The following SLC25A13 variants were observed in gnomAD, a reference collection of about 807,000 sequenced individuals.
SLC25A13 encodes electrogenic aspartate/glutamate antiporter SLC25A13, mitochondrial.
Under a neutral mutation model 85.5 loss-of-function variants are expected in SLC25A13, and 70 were observed. That is an observed-to-expected ratio of 0.82 (90% confidence interval 0.68 to 1.00). SLC25A13 has a LOEUF of 1.00. SLC25A13 is among the 50% of genes least tolerant of loss of function. The pLI is 0.00. For missense variants in SLC25A13, 765 were observed against 819.8 expected (o/e 0.93, Z 0.82); for synonymous variants, 259 against 288.7 (o/e 0.90, Z 1.04).
rs551989261 is a variant in SLC25A13, at chr7:96,310,566, G to A, written c.15+11376C>T. ...TCTGTAAACAGCAAGTAATTTACTA[G>A]GAGATGCATTCAGACAATGGGAATT... is the stretch of plus-strand genomic sequence containing the variant. On this transcript the variant is annotated intron_variant, in intron 1 of 17. Coordinates refer to ENST00000265631, the MANE Select transcript of SLC25A13 (RefSeq NM_014251.3). 2.5e-4 allele frequency among the ~76,000 whole-genome samples: 38 copies of A among 152,306 alleles called. 1 individual carries two copies. The South Asian group carries it at 7.5e-3, about 30-fold the overall frequency.
At chr7:96,171,388 C>G in intron 12 of SLC25A13, 84 bp downstream of exon 12, 1 of 1,266,100 alleles carries the variant, frequency 7.9e-7, no homozygotes, top group South Asian at 1.2e-5. Flanking sequence ...GAAAACAAAC[C>G]TGCTGTTTCC....
intron 2 of SLC25A13, among the ~76,000 whole-genome samples, chr7:96,293,060 C>A (rs1452038270): frequency 6.6e-6 from 1 of 152,056 alleles, no homozygotes; most frequent in Admixed American, 6.6e-5. Flanking sequence ...CAAAACAGCA[C>A]GGTACTGGTA....
At chr7:96,158,971 T>TA (rs1432915113) in intron 13 of SLC25A13, among the ~76,000 whole-genome samples, 1 of 152,108 alleles carries the variant, frequency 6.6e-6, no homozygotes, top group Non-Finnish European at 1.5e-5. Context: ...AGCTCACAGG[T>TA]AAAAAAGAGA....
At chr7:96,181,274 A>C (rs1794410155) in intron 11 of SLC25A13, among the ~76,000 whole-genome samples, 1 of 152,208 alleles carries the variant, frequency 6.6e-6, no homozygotes, top group South Asian at 2.1e-4. Context: ...GCAGGAATTA[A>C]CCAACTCACA....
At chr7:96,246,319 A>G (rs1334312706) in intron 3 of SLC25A13, among the ~76,000 whole-genome samples, 4 of 152,234 alleles carry the variant, frequency 2.6e-5, no homozygotes, top group African/African-American at 4.8e-5. Flanking sequence ...CTCAGCTCAA[A>G]TAACATTTTA....
At chr7:96,316,607 C>T (rs542896211) in intron 1 of SLC25A13, among the ~76,000 whole-genome samples, 12 of 152,294 alleles carry the variant, frequency 7.9e-5, no homozygotes, top group East Asian at 3.9e-4. Context: ...GTTGCACAAG[C>T]GTGAGAAATT....
chr7:96,171,136 A>T (rs867192587), intron 12 of SLC25A13, among the ~76,000 whole-genome samples: 1 of 152,218 alleles, frequency 6.6e-6, no homozygotes, highest in Admixed American at 6.5e-5. Context: ...CCTTATCCGT[A>T]AACTGTGGAT....
intron 3 of SLC25A13, among the ~76,000 whole-genome samples, chr7:96,270,972 C>T (rs1798219365): frequency 6.6e-6 from 1 of 152,158 alleles, no homozygotes; most frequent in Non-Finnish European, 1.5e-5. Flanking sequence ...TCTGTGTCAA[C>T]TCTCCCTTTG....
chr7:96,192,779 C>G (rs1449882267), intron 6 of SLC25A13, among the ~76,000 whole-genome samples: 1 of 151,262 alleles, frequency 6.6e-6, no homozygotes, highest in Admixed American at 6.6e-5. Context: ...AACATGAGAT[C>G]ACAAATCTGT....
intron 5 of SLC25A13, among the ~76,000 whole-genome samples, chr7:96,194,862 A>G (rs1252943444): frequency 1.3e-5 from 2 of 152,168 alleles, no homozygotes; most frequent in Non-Finnish European, 2.9e-5. Context: ...TTCTTATCCT[A>G]TTTAAAAGAA....
At chr7:96,313,423 C>T (rs1322588899) in intron 1 of SLC25A13, among the ~76,000 whole-genome samples, 4 of 152,144 alleles carry the variant, frequency 2.6e-5, no homozygotes, top group East Asian at 3.8e-4. Context: ...CGTGGAATAC[C>T]TTGCAGATAT....
intron 1 of SLC25A13, among the ~76,000 whole-genome samples, chr7:96,301,138 T>C (rs1240684801): frequency 6.6e-6 from 1 of 152,198 alleles, no homozygotes; most frequent in Admixed American, 6.5e-5. Context: ...CCTTTTAAAG[T>C]CAATTCAGAA....
chr7:96,281,581 C>T (rs1584559609), intron 2 of SLC25A13, among the ~76,000 whole-genome samples: 1 of 151,980 alleles, frequency 6.6e-6, no homozygotes, highest in South Asian at 2.1e-4. Context: ...AACTGGTTAC[C>T]CTTGGTGGGT....
chr7:96,131,638 C>G, intron 15 of SLC25A13, 105 bp downstream of exon 15: 1 of 1,456,662 alleles, frequency 6.9e-7, no homozygotes, highest in Non-Finnish European at 9.6e-7. Context: ...CACACATACC[C>G]TGTCAAGAAC....
intron 3 of SLC25A13, among the ~76,000 whole-genome samples, chr7:96,246,548 AT>A (rs1393706304): frequency 1.4e-4 from 22 of 152,254 alleles, no homozygotes; most frequent in African/African-American, 5.3e-4. Flanking sequence ...TGTTAAAAAA[AT>A]AAAAATACAT....
At chr7:96,140,409 T>C (rs1042088365) in intron 14 of SLC25A13, among the ~76,000 whole-genome samples, 32 of 139,278 alleles carry the variant, frequency 2.3e-4, no homozygotes, top group African/African-American at 7.0e-4. Context: ...TTTTTTTTTT[T>C]TTTTTTTTTT....
At chr7:96,260,023 G>A (rs1797787113) in intron 3 of SLC25A13, among the ~76,000 whole-genome samples, 1 of 150,832 alleles carries the variant, frequency 6.6e-6, no homozygotes, top group African/African-American at 2.4e-5. Flanking sequence ...ATGCGCACAA[G>A]GAGGGAAACA....
intron 2 of SLC25A13, among the ~76,000 whole-genome samples, chr7:96,295,252 A>C (rs1799303278): frequency 6.6e-6 from 1 of 152,086 alleles, no homozygotes; most frequent in African/African-American, 2.4e-5. Flanking sequence ...GCTACCCAGG[A>C]GCCTGAAAAT....
chr7:96,142,451 G>A (rs1224395746), intron 14 of SLC25A13, among the ~76,000 whole-genome samples: 1 of 152,082 alleles, frequency 6.6e-6, no homozygotes, highest in Non-Finnish European at 1.5e-5. Context: ...CTTTTTTATG[G>A]TTGTCTAGTA....
Sources: allele counts gnomAD v4.1 joint callset (sites outside exome capture counted in the v4.1 genomes callset), GRCh38; gene constraint gnomAD v4.1.1; transcripts MANE v1.5; gene names NCBI Gene and HGNC (gene_info 2026-07-23, HGNC 2026-07-21).